Variants in LCORL observed in about 807,000 individuals in gnomAD.
The protein encoded by LCORL is ligand-dependent nuclear receptor corepressor-like protein.
In LCORL, 41 loss-of-function variants were observed where a neutral mutation model predicts 141.8. The observed-to-expected ratio is 0.29, with a 90% CI of 0.23 to 0.38. The LOEUF (loss-of-function observed/expected upper bound fraction) is 0.38, where lower values mean the gene tolerates loss of function less well. LCORL is among the 10% of genes least tolerant of loss of function. The pLI, the probability that LCORL is intolerant of heterozygous loss-of-function variation, is 1.00. For synonymous variants in LCORL, 618 were observed against 694.1 expected (o/e 0.89, Z 1.72); for missense variants, 1,759 against 2,035.0 (o/e 0.86, Z 2.61).
At chr4:17,883,269 C>A in intron 6 of LCORL, 8 of 986,644 alleles carry the variant, frequency 8.1e-6, no homozygotes, top group South Asian at 4.7e-5. Context: ...GACATACATA[C>A]AACAAGTGTT....
intron 7 of LCORL, among the ~76,000 whole-genome samples, chr4:17,862,227 A>G (rs1220080491): frequency 6.6e-6 from 1 of 152,242 alleles, no homozygotes; most frequent in Non-Finnish European, 1.5e-5. Context: ...CCACAGTTTC[A>G]CATTGCTGGG....
At chr4:17,915,465 A>G (rs866532880) in intron 4 of LCORL, among the ~76,000 whole-genome samples, 5 of 152,220 alleles carry the variant, frequency 3.3e-5, no homozygotes, top group Non-Finnish European at 5.9e-5. Context: ...CATAAATAAT[A>G]TAGATTTTGG....
At chr4:17,851,022 G>T (rs565597095) in intron 7 of LCORL, among the ~76,000 whole-genome samples, 117 of 146,868 alleles carry the variant, frequency 8.0e-4, no homozygotes, top group African/African-American at 2.7e-3. Context: ...GTAAACTATC[G>T]CAAGAACAAA....
In LCORL at chr4:17,909,356, A is replaced by C. The variant is rs200715843; in HGVS notation, c.431-11T>G. 10 of 1,529,296 alleles carry C rather than the reference A, an allele frequency of 6.5e-6. No homozygotes were observed. Among genetic ancestry groups the C allele is most frequent in the Non-Finnish European group, 8.8e-6 (10 of 1,135,978 alleles). 94.7% of individuals were successfully genotyped at this position (1,529,296 alleles called of 1,614,324 possible). ...AGTTCTGAGGAAGATCTAGGGAAGA[A>C]ATAAATATAATAATCATTTTAAAAA... On this transcript the variant is annotated splice_polypyrimidine_tract_variant and intron_variant, in intron 4 of 7. Coordinates refer to ENST00000635767, the Ensembl canonical transcript of LCORL.
At position 17,876,474 on chromosome 4, in the gene LCORL, C is replaced by T. The variant is rs187641919; in HGVS notation, c.2516G>A (p.Arg839His). The stretch of plus-strand genomic sequence containing the variant: ...GGCTATACTTATTGTATCTTCCAAA[C>T]GCTTCACAACCACTTGTAAATTAGA... The change falls in exon 7 of 8, where the codon CGT becomes CAT. Residue 839 changes from arginine (R) to histidine (H), a missense_variant. Transcript: ENST00000635767. 55 of 1,230,826 alleles carry T rather than the reference C, an allele frequency of 4.5e-5. No homozygotes were observed. In the African/African-American group the frequency reaches 5.7e-4, roughly 13 times the overall value. 76.2% of individuals were successfully genotyped at this position (1,230,826 alleles called of 1,614,324 possible).
At chr4:17,878,527 G>A (rs1727155436) in intron 6 of LCORL, among the ~76,000 whole-genome samples, 3 of 151,472 alleles carry the variant, frequency 2.0e-5, no homozygotes, top group Admixed American at 2.0e-4. Context: ...AAGTGCTTCA[G>A]AAGGAGTTAA....
At chr4:17,878,248 G>A (rs1727119557) in intron 6 of LCORL, 35 bp from the exon 7 acceptor site, 5 of 1,210,348 alleles carry the variant, frequency 4.1e-6, no homozygotes, top group Non-Finnish European at 4.1e-6. Context: ...ATGAATTGCA[G>A]CAAAAATACC....
intron 7 of LCORL, among the ~76,000 whole-genome samples, chr4:17,852,298 G>A (rs16895888): frequency 0.21 from 31,338 of 151,710 alleles, 3,801 homozygotes; most frequent in African/African-American, 0.33. Flanking sequence ...GAGTTGGGGG[G>A]AAAAATGTAA....
intron 1 of LCORL, among the ~76,000 whole-genome samples, chr4:17,989,604 G>T (rs986713113): frequency 6.6e-6 from 1 of 152,110 alleles, no homozygotes; most frequent in Non-Finnish European, 1.5e-5. Flanking sequence ...AAACTTGACT[G>T]TGTACCCTCA....
rs374083963 is a variant in LCORL, at chr4:17,999,007, C to T, written c.154+22591G>A. ...AAAAATATATATATATATATATACA[C>T]ACATATATATATATATATATATAGT... On this transcript the variant is annotated intron_variant, in intron 1 of 7. Coordinates refer to ENST00000635767, the Ensembl canonical transcript of LCORL. 2.5e-3 allele frequency among the ~76,000 whole-genome samples: 112 copies of T among 45,530 alleles called. 2 individuals carry two copies. The highest frequency in any genetic ancestry group is 5.7e-3 in the African/African-American group (89 of 15,520). The allele number at this position is 45,530 out of a possible 152,430, so 29.9% of individuals were successfully genotyped here. A position where few individuals can be genotyped will look rare whatever the true frequency, so the allele number is the denominator to read the frequency against.
At chr4:17,998,576 G>A (rs1234343872) in intron 1 of LCORL, among the ~76,000 whole-genome samples, 1 of 151,860 alleles carries the variant, frequency 6.6e-6, no homozygotes, top group Non-Finnish European at 1.5e-5. Flanking sequence ...AATCTTCAGG[G>A]GCAATAATAG....
intron 1 of LCORL, among the ~76,000 whole-genome samples, chr4:18,003,635 T>C (rs376277213): frequency 6.6e-6 from 1 of 152,032 alleles, no homozygotes; most frequent in African/African-American, 2.4e-5. Flanking sequence ...ATCAAGTAAG[T>C]TAAATATTGG....
chr4:18,017,924 T>G (rs902287177), intron 1 of LCORL, among the ~76,000 whole-genome samples: 15 of 152,132 alleles, frequency 9.9e-5, no homozygotes, highest in South Asian at 4.1e-4. Flanking sequence ...GGTAAAGAGG[T>G]TGATGTCTCT....
intron 4 of LCORL, among the ~76,000 whole-genome samples, chr4:17,947,128 GA>G (rs1739009223): frequency 6.6e-6 from 1 of 151,920 alleles, no homozygotes; most frequent in South Asian, 2.1e-4. Flanking sequence ...AGCCGCAGAT[GA>G]ATCTGAAAAA....
chr4:17,858,332 A>T (rs936420904), intron 7 of LCORL, among the ~76,000 whole-genome samples: 2 of 152,138 alleles, frequency 1.3e-5, no homozygotes, highest in African/African-American at 4.8e-5. Context: ...GGAAAAAAAA[A>T]AACTAAACAA....
At chr4:17,878,132 C>A (rs1461436025) in exon 7 of LCORL, 1 of 1,230,280 alleles carries the variant, frequency 8.1e-7, no homozygotes, top group Non-Finnish European at 1.0e-6. Flanking sequence ...GATGTATGCA[C>A]AAAGATTCCA....
chr4:17,860,847 T>C (rs1724920318), intron 7 of LCORL, among the ~76,000 whole-genome samples: 1 of 152,166 alleles, frequency 6.6e-6, no homozygotes, highest in African/African-American at 2.4e-5. Flanking sequence ...AATTCCAAAA[T>C]CCAGCAGGGC....
chr4:17,979,048 T>C (rs539008401), intron 1 of LCORL, among the ~76,000 whole-genome samples: 1 of 151,656 alleles, frequency 6.6e-6, no homozygotes, highest in South Asian at 2.1e-4. Context: ...CCCTCCCCCA[T>C]TGCCCCACCC....
chr4:17,847,337 T>C (rs1723052878), intron 7 of LCORL, among the ~76,000 whole-genome samples: 2 of 152,178 alleles, frequency 1.3e-5, no homozygotes, highest in South Asian at 4.1e-4. Context: ...AGTTGGGAAA[T>C]GGGAGCGTCC....
Sources: gnomAD v4.1 joint callset for allele counts (sites outside exome capture counted in the v4.1 genomes callset) on GRCh38, gnomAD v4.1.1 for gene constraint, MANE v1.5 for transcripts, NCBI Gene and HGNC (gene_info 2026-07-23, HGNC 2026-07-21) for gene names.